The following PDE4D variants were observed in gnomAD, a reference collection of about 807,000 sequenced individuals.
The protein encoded by PDE4D is 3',5'-cyclic-AMP phosphodiesterase 4D.
PDE4D carries 24 observed loss-of-function variants against 87.4 expected under a neutral mutation model. The ratio of observed to expected loss-of-function variants is 0.27; its 90% CI spans 0.20 to 0.39. The LOEUF is 0.39. Among genes scored for constraint, PDE4D ranks in the 10% least tolerant of loss-of-function variants. The pLI, the probability that PDE4D is intolerant of heterozygous loss-of-function variation, is 1.00. For missense variants in PDE4D, 714 were observed against 1,041.0 expected, an observed-to-expected ratio of 0.69 and a Z score of 4.32; for synonymous variants, 384 against 383.2, an observed-to-expected ratio of 1.00 and a Z score of -0.02.
At chr5:60,382,504 A>G (rs1377861523) in intron 1 of PDE4D, among the ~76,000 whole-genome samples, 2 of 152,040 alleles carry the variant, frequency 1.3e-5, no homozygotes, top group Non-Finnish European at 2.9e-5. Context: ...CTTCCTCCAG[A>G]GGTGATTTTT....
chr5:59,598,899 T>C (rs1448126673), intron 1 of PDE4D, among the ~76,000 whole-genome samples: 1 of 152,074 alleles, frequency 6.6e-6, no homozygotes, highest in African/African-American at 2.4e-5. Flanking sequence ...GGTGACAAAA[T>C]GAAACCCTGT....
chr5:59,436,134 T>C (rs1025635713), intron 1 of PDE4D, among the ~76,000 whole-genome samples: 12 of 152,220 alleles, frequency 7.9e-5, no homozygotes, highest in Admixed American at 5.9e-4. Context: ...CAGCTACTTA[T>C]GTTCATACAT....
At chr5:59,275,543 T>C (rs1764636944) in intron 1 of PDE4D, 1 of 1,447,694 alleles carries the variant, frequency 6.9e-7, no homozygotes, top group East Asian at 2.5e-5. Flanking sequence ...CTGGAGTCCA[T>C]CTCCTGTCCT....
chr5:60,396,830 C>T (rs777961974), intron 1 of PDE4D, among the ~76,000 whole-genome samples: 1 of 152,158 alleles, frequency 6.6e-6, no homozygotes, highest in African/African-American at 2.4e-5. Flanking sequence ...ACTTGCTGGC[C>T]GACTTATCCC....
At chr5:59,256,462 GGATGAAGA>G (rs1760980742) in intron 1 of PDE4D, among the ~76,000 whole-genome samples, 2 of 151,986 alleles carry the variant, frequency 1.3e-5, no homozygotes, top group Non-Finnish European at 2.9e-5. Context: ...CAGAGCAAAA[GGATGAAGA>G]GAATCTGTTT....
Position 60,361,809 on chromosome 5 carries a change from T to C in PDE4D, c.-90+126133A>G, listed in dbSNP as rs758386946. Reference sequence around the variant, plus strand: ...GCTGACCCACAATGGACAGACAGCATGAGCAAGAAATAAATTGTTGTTGTT... The same window carrying C: ...GCTGACCCACAATGGACAGACAGCACGAGCAAGAAATAAATTGTTGTTGTT... On this transcript the variant is annotated intron_variant, in intron 1 of 16. Transcript: ENST00000502484. 8.9e-4 allele frequency among the ~76,000 whole-genome samples: 135 copies of C among 152,302 alleles called. 1 individual carries two copies. The highest frequency in any genetic ancestry group is 3.4e-3 in the Middle Eastern group (1 of 294).
At chr5:60,048,494 T>C (rs1769618810) in intron 2 of PDE4D, among the ~76,000 whole-genome samples, 1 of 152,222 alleles carries the variant, frequency 6.6e-6, no homozygotes. Context: ...GATTTTGCAG[T>C]GGCTGGTACC....
intron 1 of PDE4D, among the ~76,000 whole-genome samples, chr5:59,638,644 C>A (rs1741008016): frequency 6.6e-6 from 1 of 152,048 alleles, no homozygotes; most frequent in Non-Finnish European, 1.5e-5. Context: ...TATAGTATCA[C>A]TTTTCTTTAG....
At chr5:59,388,275 A>G (rs1202482080) in intron 1 of PDE4D, among the ~76,000 whole-genome samples, 2 of 152,164 alleles carry the variant, frequency 1.3e-5, no homozygotes, top group African/African-American at 4.8e-5. Flanking sequence ...TCACTTAATA[A>G]TCAAGGAAAT....
At chr5:59,578,111 G>C (rs981285222) in intron 1 of PDE4D, among the ~76,000 whole-genome samples, 3 of 152,026 alleles carry the variant, frequency 2.0e-5, no homozygotes, top group Non-Finnish European at 4.4e-5. Context: ...CTATTAAAAA[G>C]GGAGCAAAGC....
chr5:59,341,246 A>C (rs1224624207), intron 1 of PDE4D, among the ~76,000 whole-genome samples: 3 of 152,142 alleles, frequency 2.0e-5, no homozygotes, highest in African/African-American at 4.8e-5. Context: ...GTTCAGAGTT[A>C]TTACATTTGC....
At chr5:60,391,252 G>C (rs941648298) in intron 1 of PDE4D, among the ~76,000 whole-genome samples, 5 of 152,156 alleles carry the variant, frequency 3.3e-5, no homozygotes, top group Admixed American at 6.5e-5. Flanking sequence ...CCCACATGGT[G>C]ATCACAGGGG....
chr5:59,656,781 T>C lies in PDE4D; in HGVS notation c.455+236387A>G, dbSNP rs578240451. Among the ~76,000 whole-genome samples, 6 of 152,356 alleles carry C rather than the reference T, an allele frequency of 3.9e-5. No homozygotes were observed. In the East Asian group the frequency reaches 9.6e-4, roughly 24 times the overall value. On this transcript the variant is annotated intron_variant, in intron 1 of 14. Transcript: ENST00000340635. ...ATTGGGTGATTCTGCAGAGTTGCAA[T>C]TGTGACAAATAAATTATACTTTCTG...
intron 1 of PDE4D, among the ~76,000 whole-genome samples, chr5:60,438,628 G>T (rs888024226): frequency 2.0e-5 from 3 of 151,910 alleles, no homozygotes; most frequent in Non-Finnish European, 4.4e-5. Flanking sequence ...AAATTAGGAC[G>T]TCTATTCAGG....
intron 1 of PDE4D, chr5:59,587,085 A>G: frequency 1.5e-6 from 1 of 682,436 alleles, no homozygotes; most frequent in Non-Finnish European, 1.8e-6. Context: ...ACCATTAACT[A>G]CCATCATGAC....
At chr5:60,239,705 G>T (rs535101568) in intron 1 of PDE4D, among the ~76,000 whole-genome samples, 1 of 151,942 alleles carries the variant, frequency 6.6e-6, no homozygotes, top group African/African-American at 2.4e-5. Flanking sequence ...CATGGTATCT[G>T]CTTTTAAACT....
chr5:59,596,934 G>C (rs543544492), intron 1 of PDE4D, among the ~76,000 whole-genome samples: 1 of 152,132 alleles, frequency 6.6e-6, no homozygotes, highest in African/African-American at 2.4e-5. Flanking sequence ...GATAACTAAA[G>C]AGACAGTGGC....
intron 1 of PDE4D, among the ~76,000 whole-genome samples, chr5:59,691,376 A>G (rs549133935): frequency 4.5e-4 from 68 of 152,282 alleles, no homozygotes; most frequent in Non-Finnish European, 8.7e-4. Context: ...TACACCATGG[A>G]ATACTATGCA....
chr5:59,833,929 A>G (rs1160955825), intron 1 of PDE4D, among the ~76,000 whole-genome samples: 1 of 152,088 alleles, frequency 6.6e-6, no homozygotes, highest in Non-Finnish European at 1.5e-5. Context: ...CCTAAGTGAA[A>G]GGTCTGAAAT....
Sources: allele counts gnomAD v4.1 joint callset (sites outside exome capture counted in the v4.1 genomes callset), GRCh38; gene constraint gnomAD v4.1.1; transcripts MANE v1.5; gene names NCBI Gene and HGNC (gene_info 2026-07-23, HGNC 2026-07-21).